The following BRPF3 variants were observed in gnomAD, a reference collection of about 807,000 sequenced individuals.
The protein encoded by BRPF3 is bromodomain and PHD finger containing 3, also known as bromodomain and PHD finger-containing protein 3.
A neutral mutation model predicts 102.0 loss-of-function variants in BRPF3; 18 were observed. That is an observed-to-expected ratio of 0.18 (90% CI 0.12 to 0.26). BRPF3 has a LOEUF of 0.26. Among genes scored for constraint, BRPF3 ranks in the 10% least tolerant of loss-of-function variants. The pLI, the probability that BRPF3 is intolerant of heterozygous loss-of-function variation, is 1.00. For synonymous variants in BRPF3, 570 were observed against 614.2 expected (o/e 0.93, Z 1.06); for missense variants, 1,147 against 1,567.8 (o/e 0.73, Z 4.53).
chr6:36,214,254 G>A lies in BRPF3; in HGVS notation c.2857G>A (p.Asp953Asn). 6.2e-7 allele frequency: 1 copy of A among 1,614,196 alleles called. No homozygotes were observed. Among genetic ancestry groups the A allele is most frequent in the East Asian group, 2.2e-5 (1 of 44,890 alleles). Residue 953 changes from aspartate to asparagine, a missense_variant, in exon 8 of 13, where the codon GAC becomes AAC. This residue lies in a region of BRPF3 where 379 missense variants were observed against 426.3 expected (regional missense o/e 0.89). Transcript: ENST00000357641. ...AGACAGGGTCCTGGAGAATGGCGAG[G>A]ACCATGGTGTGGCAGGCTCTCCTGC... ...SPDRVLENGE[D>N]HGVAGSPASP...
chr6:36,219,563 A>G (rs113922875), intron 9 of BRPF3, among the ~76,000 whole-genome samples: 2,002 of 152,250 alleles, frequency 0.013, 18 homozygotes, highest in Middle Eastern at 0.041. Flanking sequence ...GCTATGAGCC[A>G]CAAGAGCAAG....
At chr6:36,203,145 C>G (rs554642825) in intron 2 of BRPF3, among the ~76,000 whole-genome samples, 12 of 152,254 alleles carry the variant, frequency 7.9e-5, no homozygotes, top group South Asian at 4.1e-4. Flanking sequence ...ATATGTTGTT[C>G]TAGATGCCTC....
At chr6:36,228,832 G>T in intron 11 of BRPF3, 70 bp from the exon 12 acceptor site, 1 of 1,562,946 alleles carries the variant, frequency 6.4e-7, no homozygotes, top group Non-Finnish European at 8.8e-7. Context: ...TTCAGCAGTT[G>T]GTCCTGCAGC....
At chr6:36,212,172 A>G (rs1768143946) in intron 7 of BRPF3, among the ~76,000 whole-genome samples, 2 of 152,184 alleles carry the variant, frequency 1.3e-5, no homozygotes, top group African/African-American at 4.8e-5. Context: ...AAAATAAAAA[A>G]GAAGAAAAGA....
At chr6:36,211,880 A>G (rs1486270992) in intron 7 of BRPF3, among the ~76,000 whole-genome samples, 3 of 152,162 alleles carry the variant, frequency 2.0e-5, no homozygotes, top group African/African-American at 7.2e-5. Flanking sequence ...GCTGTTTATT[A>G]GCCAATTAAG....
At chr6:36,204,503 C>G in intron 2 of BRPF3, 155 bp from the exon 3 acceptor site, 1 of 785,410 alleles carries the variant, frequency 1.3e-6, no homozygotes, top group Non-Finnish European at 2.1e-6. Context: ...CTTTACTGTC[C>G]TTTTCAAGCC....
At chr6:36,199,085 G>C (rs1767603727) in intron 1 of BRPF3, among the ~76,000 whole-genome samples, 1 of 152,168 alleles carries the variant, frequency 6.6e-6, no homozygotes, top group Non-Finnish European at 1.5e-5. Flanking sequence ...GTACTAGTTG[G>C]TGTATCCTGG....
chr6:36,203,992 C>T (rs1411073102), intron 2 of BRPF3, among the ~76,000 whole-genome samples: 1 of 152,168 alleles, frequency 6.6e-6, no homozygotes, highest in Non-Finnish European at 1.5e-5. Flanking sequence ...ACCCCTTTTC[C>T]TCCCCCAAGG....
Position 36,210,613 on chromosome 6 carries a change from C to T in BRPF3, c.2179+85C>T. 7.5e-7 allele frequency: 1 copy of T among 1,340,168 alleles called. No individual in the cohort carries two copies. Among genetic ancestry groups the T allele is most frequent in the Admixed American group, 2.4e-5 (1 of 41,982 alleles). 83.0% of individuals were successfully genotyped at this position (1,340,168 alleles called of 1,614,324 possible). On this transcript the variant is annotated intron_variant, in intron 6 of 12. Coordinates refer to ENST00000357641, the MANE Select transcript of BRPF3 (RefSeq NM_015695.3). The surrounding 1 kb of genome is among the most constrained non-coding windows in gnomAD (Gnocchi z 4.7). ...TACAGAGTGAGGGATCAGGGTGGTC[C>T]TTGGGGCTATAGGTAGACTCCAGGA...
rs1768958923 is a variant in BRPF3, at chr6:36,232,152, A to G, written c.*1543A>G. 6.6e-6 allele frequency: 1 copy of G among 152,650 alleles called. No individual in the cohort carries two copies. Among genetic ancestry groups the G allele is most frequent in the South Asian group, 2.1e-4 (1 of 4,834 alleles). The allele number at this position is 152,650 out of a possible 1,614,324, so 9.5% of individuals were successfully genotyped here. ...GAACCAACAAAACACTATAACTTAA[A>G]AGGATGGGGTTTTGGATTTTGTATA... On this transcript the variant is annotated 3_prime_UTR_variant, in exon 13 of 13. Coordinates refer to ENST00000357641, the MANE Select transcript of BRPF3 (RefSeq NM_015695.3).
chr6:36,215,047 G>T (rs930715025), intron 8 of BRPF3, among the ~76,000 whole-genome samples: 1 of 152,144 alleles, frequency 6.6e-6, no homozygotes, highest in Non-Finnish European at 1.5e-5. Context: ...TGCAGCAGAG[G>T]GGGTGGGGTG....
chr6:36,215,922 T>C (rs1768313746), intron 8 of BRPF3, among the ~76,000 whole-genome samples: 1 of 152,240 alleles, frequency 6.6e-6, no homozygotes, highest in African/African-American at 2.4e-5. Context: ...TGTACTTTTA[T>C]GTGGTGACTT....
intron 1 of BRPF3, among the ~76,000 whole-genome samples, chr6:36,198,096 A>G (rs1291852876): frequency 1.3e-5 from 2 of 152,092 alleles, no homozygotes; most frequent in African/African-American, 4.8e-5. Context: ...TGGCATTTGT[A>G]AGGAATCCAG....
chr6:36,198,390 A>G (rs1349206557), intron 1 of BRPF3, among the ~76,000 whole-genome samples: 1 of 152,230 alleles, frequency 6.6e-6, no homozygotes, highest in Non-Finnish European at 1.5e-5. Context: ...ACAGAGGGCC[A>G]AGATTAGAAC....
chr6:36,214,154 A>G lies in BRPF3; in HGVS notation c.2757A>G (p.Pro919=). 1 of 1,614,132 alleles carries G rather than the reference A, an allele frequency of 6.2e-7. No individual in the cohort carries two copies. The highest frequency in any genetic ancestry group is 8.5e-7 in the Non-Finnish European group (1 of 1,180,014). Residue 919 remains proline (P), a synonymous_variant, in exon 8 of 13, where the codon CCA becomes CCG. Coordinates refer to ENST00000357641, the MANE Select transcript of BRPF3 (RefSeq NM_015695.3). ...LMAPDTPAGT[P]LSGVGRRTSV... is the part of the protein sequence containing the mutation. ...CCCCTGACACCCCGGCCGGTACCCC[A>G]CTTAGTGGTGTGGGTCGCCGCACAT...
At chr6:36,226,768 A>G (rs1372522974) in intron 11 of BRPF3, among the ~76,000 whole-genome samples, 1 of 152,244 alleles carries the variant, frequency 6.6e-6, no homozygotes, top group Non-Finnish European at 1.5e-5. Flanking sequence ...TTGGAACCAT[A>G]TTGGAAACCA....
Position 36,201,568 on chromosome 6 carries a change from G to A in BRPF3, c.1246G>A (p.Gly416Ser). The A allele has an allele frequency of 6.2e-7, 1 of 1,614,072 alleles. No homozygotes were observed. The highest frequency in any genetic ancestry group is 1.1e-5 in the South Asian group (1 of 91,078). Reference protein sequence around the residue: ...ETGDEEGLKEGDGEEEEEEEV... With the variant: ...ETGDEEGLKESDGEEEEEEEV... Reference sequence around the variant, plus strand: ...TGGCGATGAGGAAGGGCTGAAGGAGGGTGATGGAGAGGAGGAAGAAGAGGA... The same window carrying A: ...TGGCGATGAGGAAGGGCTGAAGGAGAGTGATGGAGAGGAGGAAGAAGAGGA... Residue 416 changes from glycine to serine, a missense_variant, in exon 2 of 13, where the codon GGT (glycine) becomes AGT (serine). Physicochemically the swap from Gly to Ser is moderately conservative, Grantham distance 56 (BLOSUM62 0). Coordinates refer to ENST00000357641, the MANE Select transcript of BRPF3 (RefSeq NM_015695.3). This position sits in a 1 kb window ranked among gnomAD's most constrained non-coding sequence, Gnocchi z 5.1.
rs192780410 is a variant in BRPF3, at chr6:36,209,929, A to G, written c.1866+14A>G. On this transcript the variant is annotated intron_variant, in intron 5 of 12. Coordinates refer to ENST00000357641, the MANE Select transcript of BRPF3 (RefSeq NM_015695.3). ...AACTTGAGTGAGGCAAGTTCCCCCT[A>G]CTTTCCAAGTAGTAAATTCTTCTTG... 6.2e-6 allele frequency: 10 copies of G among 1,613,386 alleles called. No individual in the cohort carries two copies. Among genetic ancestry groups the G allele is most frequent in the African/African-American group, 1.3e-5 (1 of 74,890 alleles).
In BRPF3 at chr6:36,217,913, G is replaced by GAGGAAGAGA; in HGVS notation, c.2990-4_2990-3insAGGAAGAGA. ...CTCAGACTCACTGTGTGTGTCCTTG[G>GAGGAAGAGA]CAGGCATGACCAACGGCTTTGGAAA... On this transcript the variant is annotated splice_polypyrimidine_tract_variant and splice_region_variant and intron_variant, in intron 8 of 12. Transcript: ENST00000357641. The GAGGAAGAGA allele has an allele frequency of 6.2e-7, 1 of 1,612,934 alleles. No individual in the cohort carries two copies. Among genetic ancestry groups the GAGGAAGAGA allele is most frequent in the Non-Finnish European group, 8.5e-7 (1 of 1,179,380 alleles).
Sources: allele counts gnomAD v4.1 joint callset (sites outside exome capture counted in the v4.1 genomes callset), GRCh38; gene constraint gnomAD v4.1.1; regional missense constraint gnomAD v4.1.1; non-coding constraint Gnocchi (gnomAD v3.1); transcripts MANE v1.5; gene names NCBI Gene and HGNC (gene_info 2026-07-23, HGNC 2026-07-21).